CNTN4: variants seen among roughly 807,000 people sequenced by gnomAD.
CNTN4 encodes contactin-4.
CNTN4 carries 77 observed loss-of-function variants against 122.5 expected under a neutral mutation model. The observed-to-expected ratio is 0.63, with a 90% CI of 0.52 to 0.76. The LOEUF is 0.76. Ranked by LOEUF, CNTN4 falls within the 30% of genes least tolerant of loss-of-function variation. CNTN4 has a pLI of 0.00. For synonymous variants in CNTN4, 512 were observed against 447.0 expected (o/e 1.15, Z -1.83); for missense variants, 1,256 against 1,259.1 (o/e 1.00, Z 0.04).
At position 2,918,951 on chromosome 3, in the gene CNTN4, A is replaced by G. The variant is rs1012634414; in HGVS notation, c.1208-6678A>G. On this transcript the variant is annotated intron_variant, in intron 12 of 24. Transcript: ENST00000418658. Reference sequence around the variant, plus strand: ...ATCCCTGATTTCTTTCCTGCAACATACATTCATTCATCAAATATTGATTAT... The same window carrying G: ...ATCCCTGATTTCTTTCCTGCAACATGCATTCATTCATCAAATATTGATTAT... Among the ~76,000 whole-genome samples the G allele has an allele frequency of 5.9e-5, 9 of 152,344 alleles. 1 individual carries two copies. Among genetic ancestry groups the G allele is most frequent in the East Asian group, 3.9e-4 (2 of 5,176 alleles).
rs1445542758 is a variant in CNTN4 at position 2,883,691 on chromosome 3, C to T, written c.755+444C>T. 2.0e-5 allele frequency among the ~76,000 whole-genome samples: 3 copies of T among 152,192 alleles called. No individual in the cohort carries two copies. The East Asian group carries it at 5.8e-4, about 29-fold the overall frequency. ...TCTTTTTAAACTCTCAGTCTCTTCT[C>T]TCTACTTTGGATTTCCTTCTCCTCT... On this transcript the variant is annotated intron_variant, in intron 9 of 24. Coordinates refer to ENST00000418658, the MANE Select transcript of CNTN4 (RefSeq NM_175607.3).
intron 6 of CNTN4, among the ~76,000 whole-genome samples, chr3:2,773,237 G>T (rs1032928578): frequency 1.3e-4 from 20 of 152,070 alleles, no homozygotes; most frequent in African/African-American, 4.8e-4. Flanking sequence ...TAGAGTCAAA[G>T]AAGTGTTGCT....
At chr3:2,925,217 T>G (rs770083022) in intron 12 of CNTN4, among the ~76,000 whole-genome samples, 7 of 152,006 alleles carry the variant, frequency 4.6e-5, no homozygotes, top group Non-Finnish European at 7.4e-5. Context: ...TTAAAAAAAT[T>G]AGCTTCCTCC....
chr3:2,886,807 C>A (rs913069658), intron 9 of CNTN4, among the ~76,000 whole-genome samples: 19 of 152,134 alleles, frequency 1.2e-4, no homozygotes, highest in African/African-American at 4.3e-4. Flanking sequence ...AGCCATTGCA[C>A]CCTGCCAGAT....
rs1312742898 is a variant in CNTN4, at chr3:2,200,687, A to G, written c.-145+100048A>G. ...GATGAAAGTTTTAAATGCTCTGCAGAGACAAAGTGTTATTGATGCCTCAAT... is the reference window on the plus strand; with the variant it reads ...GATGAAAGTTTTAAATGCTCTGCAGGGACAAAGTGTTATTGATGCCTCAAT... On this transcript the variant is annotated intron_variant, in intron 2 of 24. Coordinates refer to ENST00000418658, the MANE Select transcript of CNTN4 (RefSeq NM_175607.3). Among the ~76,000 whole-genome samples the G allele has an allele frequency of 3.3e-5, 5 of 152,218 alleles. No individual in the cohort carries two copies. In the East Asian group the frequency reaches 9.7e-4, roughly 29 times the overall value.
At chr3:2,626,476 G>A (rs746826679) in intron 4 of CNTN4, among the ~76,000 whole-genome samples, 3 of 144,686 alleles carry the variant, frequency 2.1e-5, no homozygotes, top group East Asian at 2.1e-4. Flanking sequence ...CAGCCTGGGC[G>A]ACAGAGCAAG....
intron 2 of CNTN4, among the ~76,000 whole-genome samples, chr3:2,334,534 G>A (rs2043866031): frequency 6.7e-6 from 1 of 149,556 alleles, no homozygotes. Flanking sequence ...CAAACTACAA[G>A]AGGTTATATA....
chr3:2,548,279 G>A (rs574036147), intron 3 of CNTN4, among the ~76,000 whole-genome samples: 1 of 152,096 alleles, frequency 6.6e-6, no homozygotes, highest in Non-Finnish European at 1.5e-5. Context: ...TATTGCCTAG[G>A]TTTTCTTCTA....
In CNTN4 at chr3:2,246,874, T is replaced by A. The variant is rs577444881; in HGVS notation, c.-144-92304T>A. The stretch of plus-strand genomic sequence containing the variant: ...ATGAGTTGGCAGTGGATTTGTTCAG[T>A]GTAATGTGGCTGCGATTTGGACATA... On this transcript the variant is annotated intron_variant, in intron 2 of 24. Transcript: ENST00000418658. Among the ~76,000 whole-genome samples the A allele has an allele frequency of 5.3e-5, 8 of 152,016 alleles. No individual in the cohort carries two copies. The South Asian group carries it at 1.7e-3, about 32-fold the overall frequency.
At chr3:2,395,661 C>T (rs1575543288) in intron 3 of CNTN4, among the ~76,000 whole-genome samples, 1 of 152,124 alleles carries the variant, frequency 6.6e-6, no homozygotes. Flanking sequence ...CATGTGCACC[C>T]AGCGTCTAGC....
chr3:2,385,871 G>A lies in CNTN4; in HGVS notation c.-89+46638G>A, dbSNP rs557034302. ...CAAGACTTCAACACATCTTTTTAGCGACACAATTCAACCCATAACAATGTT... is the reference window on the plus strand; with the variant it reads ...CAAGACTTCAACACATCTTTTTAGCAACACAATTCAACCCATAACAATGTT... On this transcript the variant is annotated intron_variant, in intron 3 of 24. Coordinates refer to ENST00000418658, the MANE Select transcript of CNTN4 (RefSeq NM_175607.3). This position sits in a 1 kb window ranked among gnomAD's most constrained non-coding sequence, Gnocchi z 4.0. Among the ~76,000 whole-genome samples, 37 of 151,950 alleles carry A rather than the reference G, an allele frequency of 2.4e-4. No individual in the cohort carries two copies. Among genetic ancestry groups the A allele is most frequent in the South Asian group, 1.7e-3 (8 of 4,804 alleles).
chr3:2,852,059 A>C (rs1376011914), intron 7 of CNTN4, among the ~76,000 whole-genome samples: 1 of 152,060 alleles, frequency 6.6e-6, no homozygotes, highest in Non-Finnish European at 1.5e-5. Context: ...TCGTGGCTGC[A>C]CTCCCAGTTT....
At chr3:2,708,372 T>C (rs923368920) in intron 4 of CNTN4, among the ~76,000 whole-genome samples, 4 of 152,190 alleles carry the variant, frequency 2.6e-5, no homozygotes, top group Non-Finnish European at 5.9e-5. Flanking sequence ...GTAACCCATA[T>C]GGACCACAAG....
At chr3:2,786,659 T>A (rs950058312) in intron 6 of CNTN4, among the ~76,000 whole-genome samples, 29 of 152,228 alleles carry the variant, frequency 1.9e-4, no homozygotes, top group African/African-American at 6.8e-4. Context: ...CCCATCTCTA[T>A]CATTTTAAAA....
chr3:3,006,983 C>G (rs1696717528), intron 14 of CNTN4, among the ~76,000 whole-genome samples: 1 of 152,234 alleles, frequency 6.6e-6, no homozygotes, highest in South Asian at 2.1e-4. Flanking sequence ...AGAGCAATGT[C>G]TCCAAGTGCT....
rs189912688 is a variant in CNTN4, at chr3:2,258,736, T to C, written c.-144-80442T>C. ...CTAATCTTTTGCTTCACAGATACTT[T>C]GAACTGGCATCTCATGTCTTAGTCT... On this transcript the variant is annotated intron_variant, in intron 2 of 24. Transcript: ENST00000418658. Among the ~76,000 whole-genome samples, 34 of 152,248 alleles carry C rather than the reference T, an allele frequency of 2.2e-4. No homozygotes were observed. The East Asian group carries it at 2.3e-3, about 10-fold the overall frequency.
intron 3 of CNTN4, among the ~76,000 whole-genome samples, chr3:2,361,233 C>T (rs1052614719): frequency 6.6e-6 from 1 of 151,618 alleles, no homozygotes; most frequent in Admixed American, 6.6e-5. Context: ...ACCTCACCCA[C>T]CTTGGTTTGC....
At position 3,056,440 on chromosome 3, in the gene CNTN4, A is replaced by G; in HGVS notation, c.*220A>G. ...GGAAACTCTGCAATGCACTGAAGAC[A>G]TCTGTAATATGATGTTACCAAAGCA... On this transcript the variant is annotated 3_prime_UTR_variant, in exon 25 of 25. Coordinates refer to ENST00000418658, the MANE Select transcript of CNTN4 (RefSeq NM_175607.3). 2.0e-6 allele frequency: 1 copy of G among 502,302 alleles called. No homozygotes were observed. Among genetic ancestry groups the G allele is most frequent in the African/African-American group, 1.9e-5 (1 of 51,930 alleles). 31.1% of individuals were successfully genotyped at this position (502,302 alleles called of 1,614,324 possible).
chr3:2,645,407 T>C (rs2150146854), intron 4 of CNTN4, among the ~76,000 whole-genome samples: 1 of 152,366 alleles, frequency 6.6e-6, no homozygotes, highest in South Asian at 2.1e-4. Flanking sequence ...TTTGCTGGGC[T>C]ACAGGTGGTT....
Sources: gnomAD v4.1 joint callset for allele counts (sites outside exome capture counted in the v4.1 genomes callset) on GRCh38, gnomAD v4.1.1 for gene constraint, Gnocchi (gnomAD v3.1) non-coding constraint, MANE v1.5 for transcripts, NCBI Gene and HGNC (gene_info 2026-07-23, HGNC 2026-07-21) for gene names.